The following MROH2B variants were observed in gnomAD, a reference collection of about 807,000 sequenced individuals.
The protein encoded by MROH2B is maestro heat like repeat family member 2B.
MROH2B carries 177 observed loss-of-function variants against 208.6 expected under a neutral mutation model. The observed-to-expected ratio is 0.85, with a 90% CI of 0.75 to 0.96. The LOEUF (loss-of-function observed/expected upper bound fraction) is 0.96. Among genes scored for constraint, MROH2B ranks in the 40% least tolerant of loss-of-function variants. MROH2B has a pLI of 0.00. For missense variants in MROH2B, 2,002 were observed against 1,878.7 expected (o/e 1.07, Z -1.21); for synonymous variants, 728 against 659.0 (o/e 1.10, Z -1.60).
At chr5:41,046,608 C>T (rs2150174081) in intron 17 of MROH2B, among the ~76,000 whole-genome samples, 2 of 151,702 alleles carry the variant, frequency 1.3e-5, no homozygotes, top group South Asian at 4.2e-4. Flanking sequence ...AGAAATTAAA[C>T]AGTTTCGGAA....
rs144870641 is a variant in MROH2B, at chr5:41,059,458, A to G, written c.616-1255T>C. ...ATTGACATCATTCTTATAGAGTTCT[A>G]TATTCTGCCTTTTCTATCTGATGTT... On this transcript the variant is annotated intron_variant, in intron 6 of 41. Coordinates refer to ENST00000399564, the MANE Select transcript of MROH2B (RefSeq NM_173489.5). Among the ~76,000 whole-genome samples the G allele has an allele frequency of 1.4e-3, 220 of 152,298 alleles. 6 individuals carry two copies. The East Asian group carries it at 0.038, about 26-fold the overall frequency.
chr5:41,048,980 G>A, intron 15 of MROH2B, 121 bp downstream of exon 15: 2 of 919,652 alleles, frequency 2.2e-6, no homozygotes, highest in Non-Finnish European at 3.3e-6. Context: ...AATTTATTAT[G>A]CCTTTTTAGT....
chr5:41,064,457 C>T lies in MROH2B; in HGVS notation c.460+15G>A. 6.2e-7 allele frequency: 1 copy of T among 1,608,462 alleles called. No individual in the cohort carries two copies. Among genetic ancestry groups the T allele is most frequent in the Non-Finnish European group, 8.5e-7 (1 of 1,176,116 alleles). Reference sequence around the variant, plus strand: ...CCTGGTTTTTAAGCAAAAAGGAAATCATCGGGATACCCACCAATACAGAAA... The same window carrying T: ...CCTGGTTTTTAAGCAAAAAGGAAATTATCGGGATACCCACCAATACAGAAA... On this transcript the variant is annotated intron_variant, in intron 5 of 41. Transcript: ENST00000399564.
Position 41,061,660 on chromosome 5 carries a change from G to C in MROH2B, c.525C>G (p.Pro175=). ...YVNHWRDFPY[P]RLDANRLSDK... is the part of the protein sequence containing the mutation. ...CAGACAGTCGGTTGGCATCCAGTCT[G>C]GGGTAGGGAAAATCTCTCCAGTGGT... Residue 175 remains proline (P), a synonymous_variant, in exon 6 of 42, where the codon CCC becomes CCG. Transcript: ENST00000399564. The C allele has an allele frequency of 1.2e-6, 2 of 1,613,946 alleles. No individual in the cohort carries two copies. The highest frequency in any genetic ancestry group is 1.7e-6 in the Non-Finnish European group (2 of 1,179,830).
chr5:41,011,891 C>T (rs1741784429), intron 30 of MROH2B, among the ~76,000 whole-genome samples: 1 of 152,210 alleles, frequency 6.6e-6, no homozygotes, highest in Non-Finnish European at 1.5e-5. Flanking sequence ...TGGTCTCAAA[C>T]TCCTGTCCTC....
chr5:41,061,762 A>G (rs1469145207), intron 5 of MROH2B, 38 bp from the exon 6 acceptor site: 1 of 1,597,178 alleles, frequency 6.3e-7, no homozygotes, highest in African/African-American at 1.3e-5. Context: ...TGAGAAAAAT[A>G]TAAGGATGGG....
At chr5:41,005,022 T>C (rs1741531615) in intron 35 of MROH2B, 102 bp from the exon 36 acceptor site, 1 of 1,447,776 alleles carries the variant, frequency 6.9e-7, no homozygotes, top group Admixed American at 2.6e-5. Flanking sequence ...AGGACCCCAC[T>C]GCTTGTGCAG....
intron 21 of MROH2B, among the ~76,000 whole-genome samples, chr5:41,036,871 G>T (rs1364587532): frequency 6.6e-6 from 1 of 152,146 alleles, no homozygotes; most frequent in Non-Finnish European, 1.5e-5. Flanking sequence ...AAACTAAAAA[G>T]AGTGTATCAC....
At chr5:41,035,710 G>GA (rs1237115426) in intron 21 of MROH2B, among the ~76,000 whole-genome samples, 10 of 151,796 alleles carry the variant, frequency 6.6e-5, no homozygotes, top group African/African-American at 2.4e-4. Context: ...CAACAAACAT[G>GA]AAAAAATGCT....
intron 17 of MROH2B, 101 bp downstream of exon 17, chr5:41,047,620 G>T: frequency 9.5e-7 from 1 of 1,054,932 alleles, no homozygotes; most frequent in Non-Finnish European, 1.4e-6. Flanking sequence ...GGAAAAGGTT[G>T]TTTATTATCC....
intron 10 of MROH2B, among the ~76,000 whole-genome samples, 170 bp downstream of exon 10, chr5:41,055,572 T>C (rs1743421463): frequency 1.3e-5 from 2 of 152,150 alleles, no homozygotes; most frequent in African/African-American, 4.8e-5. Flanking sequence ...TAACTAAAGA[T>C]GCCTGTTGAA....
At chr5:41,048,074 A>G in intron 16 of MROH2B, 1 of 474,266 alleles carries the variant, frequency 2.1e-6, no homozygotes, top group Non-Finnish European at 3.6e-6. Context: ...TCTAGATACA[A>G]GAAAAAGACG....
chr5:41,001,708 C>G (rs1741402632), intron 37 of MROH2B, among the ~76,000 whole-genome samples: 1 of 150,880 alleles, frequency 6.6e-6, no homozygotes, highest in Non-Finnish European at 1.5e-5. Context: ...CAGAGCAGGA[C>G]TCTGTCTCAA....
chr5:41,015,577 C>A, intron 28 of MROH2B, 99 bp from the exon 29 acceptor site: 1 of 1,018,718 alleles, frequency 9.8e-7, no homozygotes, highest in South Asian at 1.5e-5. Flanking sequence ...TAGCTGCTGT[C>A]TGATGAGATG....
chr5:41,004,587 G>T (rs1741513808), intron 36 of MROH2B, 59 bp from the exon 37 acceptor site: 1 of 1,552,178 alleles, frequency 6.4e-7, no homozygotes, highest in East Asian at 2.3e-5. Flanking sequence ...CTGGAAGAGG[G>T]TAGGAGTCCT....
At chr5:41,022,277 G>T (rs1742176937) in intron 24 of MROH2B, among the ~76,000 whole-genome samples, 1 of 152,174 alleles carries the variant, frequency 6.6e-6, no homozygotes, top group Non-Finnish European at 1.5e-5. Context: ...AAGCACAAGG[G>T]GTCAGAGAAT....
Position 41,051,011 on chromosome 5 carries a change from T to C in MROH2B, c.1310A>G (p.Lys437Arg), listed in dbSNP as rs868088733. The change falls in exon 13 of 42, where the codon AAA (lysine) becomes AGA (arginine). Residue 437 changes from lysine to arginine, a missense_variant. By Grantham distance (26) the Lys-to-Arg change is conservative (BLOSUM62 2). Transcript: ENST00000399564. The part of the protein sequence containing the change: ...SVRETSLEVL[K>R]TLDPLVIGMP... ...TCCAATGACCAGTGGGTCCAGGGTT[T>C]TTAAGACCTCAAGGCTTGTTTCTCG... The C allele has an allele frequency of 1.3e-6, 2 of 1,569,404 alleles. No individual in the cohort carries two copies. The highest frequency in any genetic ancestry group is 1.2e-5 in the South Asian group (1 of 82,950).
chr5:41,052,154 T>G (rs932414735), intron 12 of MROH2B, among the ~76,000 whole-genome samples: 4 of 151,218 alleles, frequency 2.6e-5, no homozygotes, highest in African/African-American at 9.7e-5. Context: ...TGGGTTAACT[T>G]AGGGAAAACT....
intron 24 of MROH2B, 88 bp from the exon 25 acceptor site, chr5:41,019,106 T>A: frequency 6.6e-7 from 1 of 1,522,840 alleles, no homozygotes; most frequent in Non-Finnish European, 9.0e-7. Context: ...CAATCACATC[T>A]GACCAGGCAA....
Sources: allele counts gnomAD v4.1 joint callset (sites outside exome capture counted in the v4.1 genomes callset), GRCh38; gene constraint gnomAD v4.1.1; transcripts MANE v1.5; gene names NCBI Gene and HGNC (gene_info 2026-07-23, HGNC 2026-07-21).